NCOA6: variants seen among roughly 807,000 people sequenced by gnomAD.
The protein encoded by NCOA6 is NRC RAP250.
In NCOA6, 49 loss-of-function variants were observed where a neutral mutation model predicts 171.4. That is an observed-to-expected ratio of 0.29 (90% CI 0.23 to 0.36). The LOEUF is 0.36. Among genes scored for constraint, NCOA6 ranks in the 10% least tolerant of loss-of-function variants. NCOA6 has a pLI of 1.00. For missense variants in NCOA6, 2,248 were observed against 2,554.5 expected (o/e 0.88, Z 2.59); for synonymous variants, 910 against 927.5 (o/e 0.98, Z 0.34).
intron 1 of NCOA6, among the ~76,000 whole-genome samples, chr20:34,809,117 C>T (rs1208843463): frequency 6.6e-6 from 1 of 152,172 alleles, no homozygotes; most frequent in Non-Finnish European, 1.5e-5. Context: ...TGCCTCCATT[C>T]GCCTCCAGAA....
chr20:34,774,202 G>C (rs1308184551), intron 4 of NCOA6, among the ~76,000 whole-genome samples: 1 of 152,104 alleles, frequency 6.6e-6, no homozygotes, highest in Non-Finnish European at 1.5e-5. Context: ...ATAGGTAACA[G>C]AGACCAAAAA....
chr20:34,730,075 GT>G (rs11167243), intron 13 of NCOA6, among the ~76,000 whole-genome samples: 123,553 of 148,578 alleles, frequency 0.83, 51,500 homozygotes, highest in Admixed American at 0.9. Flanking sequence ...AAAAATTTTT[GT>G]TTTTTTTTTG....
chr20:34,736,798 T>C, intron 11 of NCOA6, 40 bp from the exon 12 acceptor site: 1 of 1,544,186 alleles, frequency 6.5e-7, no homozygotes, highest in Non-Finnish European at 8.8e-7. Flanking sequence ...TTTTACTTTC[T>C]TTTCTAAACA....
rs1454120590 is a variant in NCOA6 at position 34,741,637 on chromosome 20, G to T, written c.4619C>A (p.Ser1540Tyr). 6.2e-7 allele frequency: 1 copy of T among 1,614,200 alleles called. No homozygotes were observed. The highest frequency in any genetic ancestry group is 1.1e-5 in the South Asian group (1 of 91,082). Residue 1540 changes from serine to tyrosine, a missense_variant, in exon 11 of 15, where the codon TCT (serine) becomes TAT (tyrosine). Physicochemically the swap from Ser to Tyr is moderately radical, Grantham distance 144 (BLOSUM62 -2). This residue lies in a region of NCOA6 where 884 missense variants were observed against 941.9 expected (regional missense o/e 0.94). Transcript: ENST00000359003. The stretch of plus-strand genomic sequence containing the variant: ...GTTTAGGGAATTAGAAGGTTCTTTA[G>T]AAGAAGACAGATCCTGCAGTGTGGG... ...VIPTLQDLSS[S>Y]KEPSNSLNLP...
intron 14 of NCOA6, among the ~76,000 whole-genome samples, chr20:34,720,287 C>T (rs1180795422): frequency 6.6e-6 from 1 of 152,200 alleles, no homozygotes; most frequent in Admixed American, 6.5e-5. Context: ...AACAACACAT[C>T]TGATCAGGTG....
intron 8 of NCOA6, among the ~76,000 whole-genome samples, chr20:34,751,695 TGAA>T (rs1316857511): frequency 6.6e-6 from 1 of 152,132 alleles, no homozygotes; most frequent in Non-Finnish European, 1.5e-5. Context: ...CAGTCCCTGG[TGAA>T]TCATGTGGCA....
rs1344933526 is a variant in NCOA6 at position 34,811,234 on chromosome 20, T to TATATAC, written c.-164+14237_-164+14238insGTATAT. On this transcript the variant is annotated intron_variant, in intron 1 of 14. Transcript: ENST00000359003. Reference sequence around the variant, plus strand: ...ATATATATATATATATATATATATATATGCTTTCAAAATGCATTTTACAAA... The same window carrying TATATAC: ...ATATATATATATATATATATATATATATATACATGCTTTCAAAATGCATTTTACAAA... Among the ~76,000 whole-genome samples, 44 of 119,974 alleles carry TATATAC rather than the reference T, an allele frequency of 3.7e-4. 1 individual carries two copies. Among genetic ancestry groups the TATATAC allele is most frequent in the South Asian group, 1.8e-3 (5 of 2,758 alleles). The allele number at this position is 119,974 out of a possible 152,430, so 78.7% of individuals were successfully genotyped here. A position where few individuals can be genotyped will look rare whatever the true frequency, so the allele number is the denominator to read the frequency against.
intron 5 of NCOA6, among the ~76,000 whole-genome samples, chr20:34,760,229 A>T (rs1223935762): frequency 3.3e-5 from 5 of 152,172 alleles, no homozygotes; most frequent in Admixed American, 3.3e-4. Context: ...GTGAGCTATG[A>T]TCATGCCACT....
chr20:34,733,972 A>C (rs2075867501), intron 12 of NCOA6, among the ~76,000 whole-genome samples: 1 of 151,606 alleles, frequency 6.6e-6, no homozygotes, highest in Non-Finnish European at 1.5e-5. Context: ...ATACCAATTC[A>C]CTGAGTCTCT....
intron 2 of NCOA6, among the ~76,000 whole-genome samples, chr20:34,789,090 G>A (rs541164140): frequency 1.3e-5 from 2 of 152,340 alleles, no homozygotes; most frequent in Admixed American, 6.5e-5. Context: ...AGGTTACGTG[G>A]AAGCCTGATA....
intron 1 of NCOA6, among the ~76,000 whole-genome samples, chr20:34,811,425 T>C (rs2146625634): frequency 6.6e-6 from 1 of 151,984 alleles, no homozygotes; most frequent in East Asian, 1.9e-4. Context: ...AGTTGGCTAA[T>C]AATAACATTG....
At position 34,776,357 on chromosome 20, in the gene NCOA6, C is replaced by A; in HGVS notation, c.327G>T (p.Arg109=). 1 of 1,614,124 alleles carries A rather than the reference C, an allele frequency of 6.2e-7. No individual in the cohort carries two copies. Among genetic ancestry groups the A allele is most frequent in the Non-Finnish European group, 8.5e-7 (1 of 1,180,040 alleles). The change falls in exon 4 of 15, where the codon CGG becomes CGT. Residue 109 remains arginine (R), a synonymous_variant. Transcript: ENST00000359003. ...GCTGGTTGTTGCTCTGAGCAAGGAT[C>A]CGTAGCCGCTCCGCTGCTTCCCGGG... ...NIPREAAERL[R]ILAQSNNQQL...
intron 5 of NCOA6, among the ~76,000 whole-genome samples, chr20:34,763,104 T>C (rs905759420): frequency 6.6e-6 from 1 of 152,212 alleles, no homozygotes. Flanking sequence ...ATTTTTATTT[T>C]GTAGTGCTCA....
At chr20:34,717,464 A>G (rs2082565904) in intron 14 of NCOA6, among the ~76,000 whole-genome samples, 2 of 152,144 alleles carry the variant, frequency 1.3e-5, no homozygotes, top group Admixed American at 1.3e-4. Context: ...AAAAATAAAA[A>G]AATAAAAAGA....
intron 2 of NCOA6, among the ~76,000 whole-genome samples, chr20:34,789,397 C>T (rs1286470386): frequency 6.6e-6 from 1 of 152,158 alleles, no homozygotes; most frequent in Non-Finnish European, 1.5e-5. Context: ...CATCAAATGC[C>T]TGACATTGTA....
chr20:34,727,709 C>G (rs1330032114), intron 13 of NCOA6, among the ~76,000 whole-genome samples: 1 of 151,470 alleles, frequency 6.6e-6, no homozygotes, highest in Non-Finnish European at 1.5e-5. Flanking sequence ...AATTCCTCAC[C>G]CATTTTCTTT....
chr20:34,758,974 C>T (rs1301948759), intron 5 of NCOA6, 41 bp from the exon 6 acceptor site: 2 of 1,571,496 alleles, frequency 1.3e-6, no homozygotes, highest in Admixed American at 1.9e-5. Context: ...GGAATTGGCA[C>T]AATTTTTGTT....
intron 1 of NCOA6, chr20:34,819,520 G>C (rs1208701204): frequency 6.6e-6 from 1 of 152,134 alleles, no homozygotes; most frequent in Non-Finnish European, 1.5e-5. Context: ...AAAAGTGATG[G>C]CGTGAGAAGA....
At chr20:34,795,795 G>C (rs1447123579) in intron 1 of NCOA6, among the ~76,000 whole-genome samples, 1 of 152,048 alleles carries the variant, frequency 6.6e-6, no homozygotes, top group Non-Finnish European at 1.5e-5. Flanking sequence ...TCTTGGGTGT[G>C]GTAATGTTAT....
Sources: gnomAD v4.1 joint callset for allele counts (sites outside exome capture counted in the v4.1 genomes callset) on GRCh38, gnomAD v4.1.1 for gene constraint, gnomAD v4.1.1 regional missense constraint, MANE v1.5 for transcripts, NCBI Gene and HGNC (gene_info 2026-07-23, HGNC 2026-07-21) for gene names.